Variants in DNAJA2 observed in about 807,000 individuals in gnomAD.
The protein encoded by DNAJA2 is dnaJ homolog subfamily A member 2.
Under a neutral mutation model 49.3 loss-of-function variants are expected in DNAJA2, and 6 were observed. That is an observed-to-expected ratio of 0.12 (90% CI 0.07 to 0.24). DNAJA2 has a LOEUF of 0.24. DNAJA2 is among the 10% of genes least tolerant of loss of function. The pLI, the probability that DNAJA2 is intolerant of heterozygous loss-of-function variation, is 1.00. For missense variants in DNAJA2, 347 were observed against 516.8 expected (o/e 0.67, Z 3.19); for synonymous variants, 160 against 172.7 (o/e 0.93, Z 0.58).
chr16:46,969,869 C>T (rs747072584), intron 3 of DNAJA2, among the ~76,000 whole-genome samples: 3 of 152,102 alleles, frequency 2.0e-5, no homozygotes, highest in Non-Finnish European at 4.4e-5. Flanking sequence ...AAAGTACAGA[C>T]AGCACTCTTT....
At position 46,964,695 on chromosome 16, in the gene DNAJA2, T is replaced by A. The variant is rs1412531961; in HGVS notation, c.690A>T (p.Arg230Ser). 5 of 1,614,156 alleles carry A rather than the reference T, an allele frequency of 3.1e-6. No homozygotes were observed. The highest frequency in any genetic ancestry group is 3.4e-6 in the Non-Finnish European group (4 of 1,180,006). Reference sequence around the variant, plus strand: ...GGTCTGCTTCCCCAGTGAATGTAATTCTCTGTCCATGTTTCATGCCTTTGT... The same window carrying A: ...GGTCTGCTTCCCCAGTGAATGTAATACTCTGTCCATGTTTCATGCCTTTGT... ...HVDKGMKHGQ[R>S]ITFTGEADQA... Residue 230 changes from arginine to serine, a missense_variant, in exon 6 of 9, where the codon AGA (arginine) becomes AGT (serine). Transcript: ENST00000317089.
Position 46,971,953 on chromosome 16 carries a change from T to C in DNAJA2, c.81A>G (p.Ala27=). The change falls in exon 2 of 9, where the codon GCA becomes GCG. Residue 27 remains alanine (A), a splice_region_variant and synonymous_variant. Coordinates refer to ENST00000317089, the MANE Select transcript of DNAJA2 (RefSeq NM_005880.4). ...PGASENELKK[A]YRKLAKEYHP... ...GATATTCCTTGGCTAACTTTCTGTA[T>C]GCCTTTGAAAATGGATAAAAACAAA... 1 of 1,610,410 alleles carries C rather than the reference T, an allele frequency of 6.2e-7. No individual in the cohort carries two copies. The highest frequency in any genetic ancestry group is 8.5e-7 in the Non-Finnish European group (1 of 1,177,048).
Position 46,956,807 on chromosome 16 carries a change from A to C in DNAJA2, c.*222T>G, listed in dbSNP as rs1179147392. 4.3e-6 allele frequency: 2 copies of C among 468,984 alleles called. No homozygotes were observed. The highest frequency in any genetic ancestry group is 3.6e-5 in the East Asian group (1 of 27,796). 29.1% of individuals were successfully genotyped at this position (468,984 alleles called of 1,614,324 possible). On this transcript the variant is annotated 3_prime_UTR_variant, in exon 9 of 9. Transcript: ENST00000317089. The stretch of plus-strand genomic sequence containing the variant: ...TGAAAGGGAGTCTTGTTTCCTTTCA[A>C]GTGCTTTATTCTGCTATGGAACAGT...
intron 5 of DNAJA2, among the ~76,000 whole-genome samples, chr16:46,965,832 C>CAAAAAAAA (rs765934380): frequency 1.8e-5 from 1 of 55,682 alleles, no homozygotes. Flanking sequence ...CTCCGTCTCA[C>CAAAAAAAA]AAAAAAAAAA....
intron 5 of DNAJA2, among the ~76,000 whole-genome samples, chr16:46,965,589 G>A (rs1035437361): frequency 1.1e-4 from 17 of 152,062 alleles, no homozygotes; most frequent in South Asian, 8.3e-4. Flanking sequence ...CCAGCCCTTT[G>A]GGAGGCGAAG....
chr16:46,971,328 A>G, intron 3 of DNAJA2, 21 bp downstream of exon 3: 1 of 1,590,748 alleles, frequency 6.3e-7, no homozygotes. Context: ...ATTTTTTAAA[A>G]CAACAAAACA....
At chr16:46,973,000 G>A (rs1361125200) in intron 1 of DNAJA2, 1 of 152,076 alleles carries the variant, frequency 6.6e-6, no homozygotes. Flanking sequence ...CCATCCGCCC[G>A]AGGCGCTCTG....
At chr16:46,959,588 C>T in intron 6 of DNAJA2, 169 bp from the exon 7 acceptor site, 1 of 570,552 alleles carries the variant, frequency 1.8e-6, no homozygotes, top group Non-Finnish European at 3.0e-6. Context: ...CTAGCTATTC[C>T]CAAGTAGTAT....
At chr16:46,959,760 C>G (rs1206424731) in intron 6 of DNAJA2, 1 of 203,026 alleles carries the variant, frequency 4.9e-6, no homozygotes, top group Non-Finnish European at 1.0e-5. Context: ...GCCCAGAGGG[C>G]TCCTACAGAA....
In DNAJA2 at chr16:46,973,531, G is replaced by C. The variant is rs2143668055; in HGVS notation, c.42C>G (p.Gly14=). The part of the protein sequence containing the change: ...VADTKLYDIL[G]VPPGASENEL... ...CGTTCTCGCTGGCGCCGGGCGGGAC[G>C]CCCAGGATGTCGTACAGCTTCGTGT... Residue 14 remains glycine (G), a synonymous_variant, in exon 1 of 9, where the codon GGC becomes GGG. Transcript: ENST00000317089. The C allele has an allele frequency of 6.2e-7, 1 of 1,602,602 alleles. No individual in the cohort carries two copies. Among genetic ancestry groups the C allele is most frequent in the African/African-American group, 1.4e-5 (1 of 74,014 alleles).
At chr16:46,969,219 T>C (rs1962013342) in intron 3 of DNAJA2, among the ~76,000 whole-genome samples, 1 of 152,230 alleles carries the variant, frequency 6.6e-6, no homozygotes, top group African/African-American at 2.4e-5. Context: ...ACCTATACTA[T>C]TTTGTGATAT....
At chr16:46,966,635 G>A (rs933979346) in intron 5 of DNAJA2, among the ~76,000 whole-genome samples, 1 of 152,174 alleles carries the variant, frequency 6.6e-6, no homozygotes, top group African/African-American at 2.4e-5. Flanking sequence ...CCATATCCAT[G>A]TGTCTGTGGC....
rs959113968 is a variant in DNAJA2 at position 46,968,232 on chromosome 16, A to G, written c.363-68T>C. ...TTGTCAAATACAAGATATAAGTAAC[A>G]GCTGATACAGCAAATTCGTTATCAA... On this transcript the variant is annotated intron_variant, in intron 3 of 8. Transcript: ENST00000317089. 3 of 1,012,980 alleles carry G rather than the reference A, an allele frequency of 3.0e-6. No individual in the cohort carries two copies. The African/African-American group carries it at 4.9e-5, about 17-fold the overall frequency. 62.7% of individuals were successfully genotyped at this position (1,012,980 alleles called of 1,614,324 possible).
chr16:46,959,842 A>C (rs1961870109), intron 6 of DNAJA2, among the ~76,000 whole-genome samples: 1 of 152,192 alleles, frequency 6.6e-6, no homozygotes, highest in South Asian at 2.1e-4. Context: ...ATCAACATAA[A>C]ACCCAACATC....
At chr16:46,972,409 T>C (rs1235609893) in intron 1 of DNAJA2, 1 of 154,510 alleles carries the variant, frequency 6.5e-6, no homozygotes, top group Non-Finnish European at 1.4e-5. Context: ...TCCTTCTAAC[T>C]GTAACATCAT....
chr16:46,971,333 A>C lies in DNAJA2; in HGVS notation c.362+16T>G. 2 of 1,597,282 alleles carry C rather than the reference A, an allele frequency of 1.3e-6. No individual in the cohort carries two copies. The highest frequency in any genetic ancestry group is 1.7e-6 in the Non-Finnish European group (2 of 1,172,884). Reference sequence around the variant, plus strand: ...AAAGTACTTAATTTTTTAAAACAACAAAACAAGATATTCACTTGAGTGGAT... The same window carrying C: ...AAAGTACTTAATTTTTTAAAACAACCAAACAAGATATTCACTTGAGTGGAT... On this transcript the variant is annotated intron_variant, in intron 3 of 8. Transcript: ENST00000317089.
intron 3 of DNAJA2, 127 bp downstream of exon 3, chr16:46,971,222 A>C: frequency 4.2e-6 from 3 of 706,558 alleles, no homozygotes; most frequent in Non-Finnish European, 6.7e-6. Context: ...CACCAAAAGA[A>C]GACAAGGCAA....
rs1302416837 is a variant in DNAJA2, at chr16:46,955,490, C to A, written c.*1539G>T. On this transcript the variant is annotated 3_prime_UTR_variant, in exon 9 of 9. Transcript: ENST00000317089. ...ACTATGCTGTTGAATCTTACCCAGG[C>A]TTGTTGTAAAATATTTTTTGTACAA... 6.6e-6 allele frequency: 1 copy of A among 152,186 alleles called. No homozygotes were observed. The highest frequency in any genetic ancestry group is 1.5e-5 in the Non-Finnish European group (1 of 68,032). The allele number at this position is 152,186 out of a possible 1,614,324, so 9.4% of individuals were successfully genotyped here.
intron 3 of DNAJA2, among the ~76,000 whole-genome samples, chr16:46,969,497 AAAG>A (rs1441333722): frequency 1.3e-5 from 2 of 152,218 alleles, no homozygotes; most frequent in Admixed American, 6.5e-5. Context: ...ACATCTCAAC[AAAG>A]AAGGCCAAGG....
Sources: allele counts gnomAD v4.1 joint callset (sites outside exome capture counted in the v4.1 genomes callset), GRCh38; gene constraint gnomAD v4.1.1; transcripts MANE v1.5; gene names NCBI Gene and HGNC (gene_info 2026-07-23, HGNC 2026-07-21).